Variants in DNAH14 observed in about 807,000 individuals in gnomAD.
The protein encoded by DNAH14 is axonemal beta dynein heavy chain 14.
Under a neutral mutation model 520.9 loss-of-function variants are expected in DNAH14, and 478 were observed. The observed-to-expected ratio is 0.92, with a 90% CI of 0.85 to 0.99. The LOEUF (loss-of-function observed/expected upper bound fraction) is 0.99, where lower values mean the gene tolerates loss of function less well. DNAH14 is among the 50% of genes least tolerant of loss of function. The pLI, the probability that DNAH14 is intolerant of heterozygous loss-of-function variation, is 0.00. For synonymous variants in DNAH14, 1,581 were observed against 1,757.2 expected (o/e 0.90, Z 2.51); for missense variants, 4,831 against 5,234.5 (o/e 0.92, Z 2.38).
intron 66 of DNAH14, among the ~76,000 whole-genome samples, chr1:225,336,848 T>C (rs1192880587): frequency 6.6e-6 from 1 of 152,200 alleles, no homozygotes; most frequent in African/African-American, 2.4e-5. Context: ...CTATGTGGTA[T>C]ATATGTATGT....
intron 55 of DNAH14, among the ~76,000 whole-genome samples, chr1:225,293,964 T>G (rs935965191): frequency 6.6e-6 from 1 of 152,186 alleles, no homozygotes; most frequent in Non-Finnish European, 1.5e-5. Flanking sequence ...GGCTAGAATT[T>G]CCAATGCTAT....
In DNAH14 at chr1:225,145,311, A is replaced by G; in HGVS notation, c.4741-15A>G. The G allele has an allele frequency of 1.9e-6, 3 of 1,538,494 alleles. No individual in the cohort carries two copies. The highest frequency in any genetic ancestry group is 1.8e-6 in the Non-Finnish European group (2 of 1,140,252). ...CATAATTCAAGAAAGATACTAAAAT[A>G]TTTTTGTTTCCCAGTCCTTAGGCAA... On this transcript the variant is annotated splice_polypyrimidine_tract_variant and intron_variant, in intron 29 of 85. Transcript: ENST00000682510.
chr1:225,075,187 G>A (rs1425505943), intron 17 of DNAH14, among the ~76,000 whole-genome samples: 3 of 152,168 alleles, frequency 2.0e-5, no homozygotes, highest in Non-Finnish European at 4.4e-5. Context: ...TGGGAGAAGT[G>A]TGGTTTCCTG....
intron 74 of DNAH14, among the ~76,000 whole-genome samples, chr1:225,359,796 C>T (rs901209343): frequency 1.3e-5 from 2 of 152,306 alleles, no homozygotes; most frequent in East Asian, 3.9e-4. Flanking sequence ...ACACATCCTC[C>T]CTTTAAGGAG....
At chr1:225,098,816 C>T (rs1185194390) in intron 22 of DNAH14, among the ~76,000 whole-genome samples, 1 of 152,104 alleles carries the variant, frequency 6.6e-6, no homozygotes. Context: ...CAAAGTGTCA[C>T]TAAATTGTTC....
At chr1:225,294,866 C>T in intron 55 of DNAH14, among the ~76,000 whole-genome samples, 1 of 151,506 alleles carries the variant, frequency 6.6e-6, no homozygotes, top group East Asian at 1.9e-4. Context: ...TGAGGCCATC[C>T]AGTAGTGGAT....
At position 225,183,907 on chromosome 1, in the gene DNAH14, G is replaced by A. The variant is rs544186435; in HGVS notation, c.5536-1384G>A. Among the ~76,000 whole-genome samples, 4 of 151,866 alleles carry A rather than the reference G, an allele frequency of 2.6e-5. No individual in the cohort carries two copies. In the East Asian group the frequency reaches 5.8e-4, roughly 22 times the overall value. Reference sequence around the variant, plus strand: ...GAAACCCTGAAAAGACCCACAACACGTTCCAAAATTGAGTCAGTAACAAAA... The same window carrying A: ...GAAACCCTGAAAAGACCCACAACACATTCCAAAATTGAGTCAGTAACAAAA... On this transcript the variant is annotated intron_variant, in intron 36 of 85. Transcript: ENST00000682510.
chr1:225,017,098 T>C (rs1472601016), intron 10 of DNAH14, among the ~76,000 whole-genome samples: 6 of 152,018 alleles, frequency 3.9e-5, no homozygotes, highest in African/African-American at 1.4e-4. Flanking sequence ...CATTTGGAGG[T>C]GACATAGTTT....
chr1:224,943,813 G>A (rs1332595219), intron 1 of DNAH14, among the ~76,000 whole-genome samples: 2 of 152,172 alleles, frequency 1.3e-5, no homozygotes, highest in African/African-American at 2.4e-5. Context: ...TTTTGAGTGA[G>A]TTTCTTAATC....
intron 26 of DNAH14, among the ~76,000 whole-genome samples, chr1:225,122,188 G>A (rs2077353875): frequency 6.6e-6 from 1 of 152,140 alleles, no homozygotes; most frequent in Non-Finnish European, 1.5e-5. Context: ...TTGGGGCTAT[G>A]GACTTGTGTT....
intron 11 of DNAH14, among the ~76,000 whole-genome samples, chr1:225,031,493 C>T (rs1281522278): frequency 2.8e-5 from 1 of 35,684 alleles, no homozygotes; most frequent in African/African-American, 4.2e-5. Flanking sequence ...CTGTCTGGCC[C>T]CTTACAGAAA....
intron 41 of DNAH14, among the ~76,000 whole-genome samples, chr1:225,215,818 C>T (rs533741948): frequency 3.2e-4 from 49 of 152,300 alleles, no homozygotes; most frequent in Admixed American, 4.6e-4. Flanking sequence ...ATCCTGAATA[C>T]AGCACTCTGA....
chr1:225,215,878 G>T (rs746904059), intron 41 of DNAH14, among the ~76,000 whole-genome samples: 6 of 152,138 alleles, frequency 3.9e-5, no homozygotes, highest in Non-Finnish European at 8.8e-5. Flanking sequence ...TTTAATTCAA[G>T]CATTTAGCCC....
intron 1 of DNAH14, among the ~76,000 whole-genome samples, chr1:224,942,251 T>C (rs955508754): frequency 2.6e-5 from 4 of 152,172 alleles, no homozygotes; most frequent in Admixed American, 2.6e-4. Context: ...TTCCTAGGTA[T>C]TTTATTCTCT....
intron 73 of DNAH14, among the ~76,000 whole-genome samples, chr1:225,357,565 G>T (rs1416868402): frequency 2.6e-5 from 4 of 152,104 alleles, no homozygotes. Context: ...ATTAGACCTA[G>T]AGTCTTTGTG....
chr1:225,059,588 T>TGC (rs2069698254), intron 17 of DNAH14, among the ~76,000 whole-genome samples: 1 of 152,258 alleles, frequency 6.6e-6, no homozygotes, highest in Non-Finnish European at 1.5e-5. Context: ...GCTGGTTATT[T>TGC]TGCTCTTTAG....
rs75647159 is a variant in DNAH14, at chr1:225,253,981, T to A, written c.6865+1564T>A. On this transcript the variant is annotated intron_variant, in intron 44 of 85. Transcript: ENST00000682510. Reference sequence around the variant, plus strand: ...AGTGTGGTTATGTGACCAGATTAGATCTAGACAGCGGGATATGACTAGAGG... The same window carrying A: ...AGTGTGGTTATGTGACCAGATTAGAACTAGACAGCGGGATATGACTAGAGG... 7.6e-4 allele frequency among the ~76,000 whole-genome samples: 116 copies of A among 152,232 alleles called. 3 individuals carry two copies. The East Asian group carries it at 0.022, about 28-fold the overall frequency.
intron 64 of DNAH14, 102 bp from the exon 65 acceptor site, chr1:225,331,334 GA>G: frequency 8.5e-7 from 1 of 1,183,086 alleles, no homozygotes; most frequent in Non-Finnish European, 1.2e-6. Context: ...TCCAGGATGT[GA>G]AAATGAAATG....
At chr1:225,104,822 T>C (rs2075869400) in intron 23 of DNAH14, among the ~76,000 whole-genome samples, 1 of 152,126 alleles carries the variant, frequency 6.6e-6, no homozygotes, top group Non-Finnish European at 1.5e-5. Context: ...TTTGTTGATC[T>C]TTTCAAAAAA....
Sources: gnomAD v4.1 joint callset for allele counts (sites outside exome capture counted in the v4.1 genomes callset) on GRCh38, gnomAD v4.1.1 for gene constraint, MANE v1.5 for transcripts, NCBI Gene and HGNC (gene_info 2026-07-23, HGNC 2026-07-21) for gene names.